Variants in ALLC observed in about 807,000 individuals in gnomAD.
ALLC encodes the protein allantoicase, also known as probable inactive allantoicase.
Under a neutral mutation model 45.0 loss-of-function variants are expected in ALLC, and 40 were observed. The ratio of observed to expected loss-of-function variants is 0.89; its 90% CI spans 0.69 to 1.16. ALLC has a LOEUF of 1.16. Ranked by LOEUF, ALLC falls within the 50% of genes most tolerant of loss-of-function variation. The pLI is 0.00. For synonymous variants in ALLC, 176 were observed against 178.1 expected (o/e 0.99, Z 0.09); for missense variants, 488 against 493.1 (o/e 0.99, Z 0.10).
chr2:3,695,419 T>C, intron 7 of ALLC: 1 of 325,880 alleles, frequency 3.1e-6, no homozygotes, highest in Admixed American at 4.5e-5. Context: ...AGGCAGTGGC[T>C]GAATGGAGGA....
intron 1 of ALLC, among the ~76,000 whole-genome samples, chr2:3,662,301 T>C (rs1408861233): frequency 2.0e-5 from 3 of 152,128 alleles, no homozygotes; most frequent in South Asian, 2.1e-4. Context: ...GAGAAATACA[T>C]AGGTCTCAGG....
chr2:3,690,254 C>CTCCCT (rs1667442791), intron 7 of ALLC, among the ~76,000 whole-genome samples: 1 of 33,454 alleles, frequency 3.0e-5, no homozygotes, highest in African/African-American at 1.2e-4. Context: ...CTCCCCTTCC[C>CTCCCT]TTCCCTTCCC....
chr2:3,697,462 T>C lies in ALLC; in HGVS notation c.850+6T>C. The stretch of plus-strand genomic sequence containing the variant: ...TGACACAAAATATTTTGAAGGTAAA[T>C]GCAAAGCCATAAAGAAGTACCCTAT... On this transcript the variant is annotated splice_donor_region_variant and intron_variant, in intron 10 of 11. Transcript: ENST00000252505. 1 of 1,608,926 alleles carries C rather than the reference T, an allele frequency of 6.2e-7. No homozygotes were observed. Among genetic ancestry groups the C allele is most frequent in the Non-Finnish European group, 8.5e-7 (1 of 1,175,370 alleles).
chr2:3,650,840 T>G, the ALLC span, among the ~76,000 whole-genome samples: 1 of 152,218 alleles, frequency 6.6e-6, no homozygotes. Context: ...ACGGGGCCTT[T>G]CTTTGTACCT....
intron 10 of ALLC, among the ~76,000 whole-genome samples, chr2:3,699,636 C>T (rs139010710): frequency 1.3e-5 from 2 of 152,074 alleles, no homozygotes; most frequent in Non-Finnish European, 2.9e-5. Context: ...ATATATGTTC[C>T]CTTTTCTCCA....
At chr2:3,687,565 C>G (rs940791055) in intron 7 of ALLC, among the ~76,000 whole-genome samples, 1 of 150,834 alleles carries the variant, frequency 6.6e-6, no homozygotes, top group South Asian at 2.1e-4. Flanking sequence ...CCATTAGGTC[C>G]TGGAATTTTC....
At chr2:3,695,635 G>A (rs1667644049) in intron 7 of ALLC, 82 bp from the exon 8 acceptor site, 4 of 1,514,290 alleles carry the variant, frequency 2.6e-6, no homozygotes, top group Non-Finnish European at 3.6e-6. Flanking sequence ...GATGACACTG[G>A]AGAAGACAGG....
intron 2 of ALLC, among the ~76,000 whole-genome samples, chr2:3,673,318 T>C (rs1169926339): frequency 6.6e-6 from 1 of 152,198 alleles, no homozygotes; most frequent in African/African-American, 2.4e-5. Flanking sequence ...CAGAGAGATC[T>C]GGAGCAAGGG....
At chr2:3,681,746 A>T (rs754054961) in intron 6 of ALLC, 33 bp downstream of exon 6, 1 of 1,533,522 alleles carries the variant, frequency 6.5e-7, no homozygotes, top group East Asian at 2.3e-5. Context: ...GGGTCTTGTC[A>T]CCAATTATTA....
chr2:3,664,261 A>G (rs1558534156), intron 1 of ALLC, among the ~76,000 whole-genome samples: 1 of 152,188 alleles, frequency 6.6e-6, no homozygotes, highest in African/African-American at 2.4e-5. Context: ...CCAGAGGCCA[A>G]TGTGCCTTTG....
At chr2:3,662,881 A>G (rs1182695559) in intron 1 of ALLC, among the ~76,000 whole-genome samples, 2 of 152,226 alleles carry the variant, frequency 1.3e-5, no homozygotes, top group Non-Finnish European at 2.9e-5. Context: ...GCGAGGGGAT[A>G]TAGACCTGCA....
chr2:3,672,548 T>C (rs1039127530), intron 2 of ALLC, among the ~76,000 whole-genome samples: 5 of 98,008 alleles, frequency 5.1e-5, no homozygotes, highest in African/African-American at 9.3e-5. Flanking sequence ...TAGGAGGTCC[T>C]CTGGTTCTGG....
chr2:3,680,717 C>T lies in ALLC; in HGVS notation c.298+723C>T, dbSNP rs1489789304. 2.0e-5 allele frequency among the ~76,000 whole-genome samples: 3 copies of T among 151,896 alleles called. No homozygotes were observed. The highest frequency in any genetic ancestry group is 2.9e-5 in the Non-Finnish European group (2 of 67,954). ...TCACATGCTGTAGGGAAAGGGTCTG[C>T]GTGCTCCAGCGGGACAACTGAAGGC... On this transcript the variant is annotated intron_variant, in intron 5 of 11. Transcript: ENST00000252505. This position sits in a 1 kb window ranked among gnomAD's most constrained non-coding sequence, Gnocchi z 4.0.
upstream of ALLC, among the ~76,000 whole-genome samples, chr2:3,654,807 CAG>C (rs1045802863): frequency 2.0e-4 from 30 of 152,376 alleles, no homozygotes; most frequent in Admixed American, 1.3e-3. Context: ...GTGTCACAGA[CAG>C]GGCATTTGCA....
intron 7 of ALLC, among the ~76,000 whole-genome samples, chr2:3,691,058 A>G (rs1231735450): frequency 6.6e-6 from 1 of 151,558 alleles, no homozygotes; most frequent in Non-Finnish European, 1.5e-5. Context: ...TCTCTCTTTC[A>G]TATTTGAAAG....
In ALLC at chr2:3,680,686, C is replaced by T. The variant is rs1667154301; in HGVS notation, c.298+692C>T. 6.6e-6 allele frequency among the ~76,000 whole-genome samples: 1 copy of T among 152,172 alleles called. No homozygotes were observed. The highest frequency in any genetic ancestry group is 2.4e-5 in the African/African-American group (1 of 41,434). On this transcript the variant is annotated intron_variant, in intron 5 of 11. Coordinates refer to ENST00000252505, the MANE Select transcript of ALLC (RefSeq NM_018436.4). The surrounding 1 kb of genome is among the most constrained non-coding windows in gnomAD (Gnocchi z 4.0). ...TCTCTGCACTGTTACTGCCCGGACT[C>T]AGGGCTCACATGCTGTAGGGAAAGG...
At chr2:3,649,394 A>G in the ALLC span, among the ~76,000 whole-genome samples, 42 of 152,018 alleles carry the variant, frequency 2.8e-4, 1 homozygote, top group Admixed American at 2.8e-3. Flanking sequence ...GGCGCCCGCC[A>G]CCACGTCCGG....
At chr2:3,681,745 C>T (rs1667186265) in intron 6 of ALLC, 32 bp downstream of exon 6, 1 of 1,539,936 alleles carries the variant, frequency 6.5e-7, no homozygotes, top group Non-Finnish European at 8.9e-7. Context: ...TGGGTCTTGT[C>T]ACCAATTATT....
chr2:3,660,771 A>T (rs909493706), intron 1 of ALLC, among the ~76,000 whole-genome samples: 2 of 151,482 alleles, frequency 1.3e-5, no homozygotes, highest in Non-Finnish European at 2.9e-5. Context: ...GGTGGGAAAA[A>T]TGGTTATGGC....
Sources: allele counts gnomAD v4.1 joint callset (sites outside exome capture counted in the v4.1 genomes callset), GRCh38; gene constraint gnomAD v4.1.1; non-coding constraint Gnocchi (gnomAD v3.1); transcripts MANE v1.5; gene names NCBI Gene and HGNC (gene_info 2026-07-23, HGNC 2026-07-21).